ZNF804B: variants seen among roughly 807,000 people sequenced by gnomAD.
ZNF804B encodes the protein zinc finger protein 804B.
In ZNF804B, 80 loss-of-function variants were observed where a neutral mutation model predicts 101.4. The ratio of observed to expected loss-of-function variants is 0.79; its 90% CI spans 0.66 to 0.95. ZNF804B has a LOEUF of 0.95. Ranked by LOEUF, ZNF804B falls within the 40% of genes least tolerant of loss-of-function variation. ZNF804B has a pLI of 0.00. For synonymous variants in ZNF804B, 622 were observed against 558.8 expected (o/e 1.11, Z -1.59); for missense variants, 1,673 against 1,561.9 (o/e 1.07, Z -1.20).
At chr7:88,780,690 T>C (rs1790212564) in intron 1 of ZNF804B, among the ~76,000 whole-genome samples, 1 of 152,096 alleles carries the variant, frequency 6.6e-6, no homozygotes, top group African/African-American at 2.4e-5. Context: ...TGTGGCCTAA[T>C]GGTAAAGACT....
intron 2 of ZNF804B, among the ~76,000 whole-genome samples, chr7:89,257,110 G>T (rs1466649516): frequency 3.9e-5 from 6 of 151,996 alleles, no homozygotes. Context: ...CAAATTTTGG[G>T]ATTTTTTTTC....
chr7:89,114,202 T>C (rs573874730), intron 1 of ZNF804B, among the ~76,000 whole-genome samples: 1 of 152,364 alleles, frequency 6.6e-6, no homozygotes, highest in South Asian at 2.1e-4. Flanking sequence ...AATTAACTAA[T>C]AAATGTTAAT....
In ZNF804B at chr7:88,957,045, A is replaced by G. The variant is rs145181149; in HGVS notation, c.108+196961A>G. ...ATTTTTTGATACACTTTGAATTGCA[A>G]CTGAATGAAAGCTCAATGATTAGAC... On this transcript the variant is annotated intron_variant, in intron 1 of 3. Transcript: ENST00000333190. Among the ~76,000 whole-genome samples, 456 of 151,590 alleles carry G rather than the reference A, an allele frequency of 3.0e-3. 6 individuals carry two copies. The highest frequency in any genetic ancestry group is 0.011 in the African/African-American group (439 of 41,472).
intron 1 of ZNF804B, among the ~76,000 whole-genome samples, chr7:88,872,624 C>T (rs950767077): frequency 6.6e-6 from 1 of 151,894 alleles, no homozygotes; most frequent in East Asian, 1.9e-4. Flanking sequence ...CCCCCCTGCC[C>T]CCACCCCACA....
rs182783815 is a variant in ZNF804B at position 88,894,898 on chromosome 7, C to G, written c.108+134814C>G. ...GATTTTTTAGGGTAGTTAAACTATC[C>G]TGTATAATATTGAGCTGGAGGATAC... On this transcript the variant is annotated intron_variant, in intron 1 of 3. Coordinates refer to ENST00000333190, the MANE Select transcript of ZNF804B (RefSeq NM_181646.5). Among the ~76,000 whole-genome samples the G allele has an allele frequency of 4.3e-4, 65 of 152,006 alleles. No individual in the cohort carries two copies. In the East Asian group the frequency reaches 0.011, roughly 25 times the overall value.
At chr7:88,868,048 AGT>A (rs34267852) in intron 1 of ZNF804B, among the ~76,000 whole-genome samples, 48,679 of 142,394 alleles carry the variant, frequency 0.34, 7,995 homozygotes, top group East Asian at 0.61. Context: ...TGTGTGTGTG[AGT>A]GTGTGTGTGT....
At chr7:89,061,376 C>G (rs1005365540) in intron 1 of ZNF804B, among the ~76,000 whole-genome samples, 1 of 144,858 alleles carries the variant, frequency 6.9e-6, no homozygotes, top group Non-Finnish European at 1.5e-5. Flanking sequence ...GACTCTGGCC[C>G]AAACCCCATG....
At chr7:89,091,406 C>G (rs1293729889) in intron 1 of ZNF804B, among the ~76,000 whole-genome samples, 1 of 151,920 alleles carries the variant, frequency 6.6e-6, no homozygotes, top group Non-Finnish European at 1.5e-5. Flanking sequence ...CAATATTTCT[C>G]TATTAGATTT....
At chr7:88,811,824 C>G (rs1790793151) in intron 1 of ZNF804B, among the ~76,000 whole-genome samples, 1 of 151,928 alleles carries the variant, frequency 6.6e-6, no homozygotes, top group African/African-American at 2.4e-5. Context: ...GCCTGTGAGA[C>G]AGGGGAGGGA....
At position 89,064,999 on chromosome 7, in the gene ZNF804B, C is replaced by T. The variant is rs1315138357; in HGVS notation, c.109-153156C>T. ...GAAGGGAAATTGCCTTGGTGCCAGA[C>T]CACAAAAGCCACTAAAATATCACTG... On this transcript the variant is annotated intron_variant, in intron 1 of 3. Coordinates refer to ENST00000333190, the MANE Select transcript of ZNF804B (RefSeq NM_181646.5). 5.9e-5 allele frequency among the ~76,000 whole-genome samples: 9 copies of T among 151,954 alleles called. No homozygotes were observed. In the East Asian group the frequency reaches 1.7e-3, roughly 29 times the overall value.
At chr7:89,217,915 CAAG>C (rs1268443332) in intron 1 of ZNF804B, among the ~76,000 whole-genome samples, 4 of 152,138 alleles carry the variant, frequency 2.6e-5, no homozygotes, top group South Asian at 2.1e-4. Context: ...AAATGGGTGG[CAAG>C]AAGAAGGATG....
At chr7:88,876,487 C>T (rs1437489852) in intron 1 of ZNF804B, among the ~76,000 whole-genome samples, 2 of 152,142 alleles carry the variant, frequency 1.3e-5, no homozygotes, top group African/African-American at 4.8e-5. Context: ...ATCAAAATAT[C>T]TGTCTGTCAT....
intron 1 of ZNF804B, among the ~76,000 whole-genome samples, chr7:89,085,868 C>G (rs1162521888): frequency 6.6e-6 from 1 of 151,916 alleles, no homozygotes; most frequent in Admixed American, 6.6e-5. Flanking sequence ...AATGGGTTAT[C>G]TTCCAACTAT....
intron 1 of ZNF804B, among the ~76,000 whole-genome samples, chr7:88,939,130 T>G (rs112256632): frequency 1.4e-3 from 208 of 152,174 alleles, no homozygotes; most frequent in African/African-American, 4.8e-3. Flanking sequence ...AGTTGTTCCT[T>G]GGTATCCATT....
chr7:89,281,687 C>A (rs529996226), intron 2 of ZNF804B, among the ~76,000 whole-genome samples: 1 of 152,086 alleles, frequency 6.6e-6, no homozygotes, highest in Non-Finnish European at 1.5e-5. Flanking sequence ...TCTCTGTAGA[C>A]TTTATAAACA....
At chr7:89,124,392 G>T (rs1415118307) in intron 1 of ZNF804B, among the ~76,000 whole-genome samples, 1 of 152,146 alleles carries the variant, frequency 6.6e-6, no homozygotes, top group East Asian at 1.9e-4. Flanking sequence ...GCATACTGAT[G>T]ATCCATGAGT....
intron 1 of ZNF804B, among the ~76,000 whole-genome samples, chr7:89,066,701 T>C (rs1421399581): frequency 6.6e-6 from 1 of 152,176 alleles, no homozygotes; most frequent in Admixed American, 6.6e-5. Context: ...AAATTATTTT[T>C]AAGCTATGCC....
chr7:89,012,334 G>A (rs1264403604), intron 1 of ZNF804B, among the ~76,000 whole-genome samples: 1 of 152,088 alleles, frequency 6.6e-6, no homozygotes, highest in East Asian at 1.9e-4. Flanking sequence ...CCATTGTCTT[G>A]GTGATCAACA....
intron 2 of ZNF804B, among the ~76,000 whole-genome samples, chr7:89,228,102 G>C (rs1315762023): frequency 6.6e-6 from 1 of 152,012 alleles, no homozygotes; most frequent in Admixed American, 6.5e-5. Flanking sequence ...GGCACGTCTG[G>C]AGTTTGTTCC....
Sources: gnomAD v4.1 joint callset for allele counts (sites outside exome capture counted in the v4.1 genomes callset) on GRCh38, gnomAD v4.1.1 for gene constraint, MANE v1.5 for transcripts, NCBI Gene and HGNC (gene_info 2026-07-23, HGNC 2026-07-21) for gene names.